MAP6: variants seen among roughly 807,000 people sequenced by gnomAD.
MAP6 encodes the protein microtubule associated protein 6, also known as microtubule-associated protein 6.
In MAP6, 26 loss-of-function variants were observed where a neutral mutation model predicts 42.4. That is an observed-to-expected ratio of 0.61 (90% CI 0.45 to 0.85). MAP6 has a LOEUF of 0.85. Among genes scored for constraint, MAP6 ranks in the 40% least tolerant of loss-of-function variants. The pLI, the probability that MAP6 is intolerant of heterozygous loss-of-function variation, is 0.00. For synonymous variants in MAP6, 418 were observed against 443.8 expected (o/e 0.94, Z 0.73); for missense variants, 966 against 1,099.0 (o/e 0.88, Z 1.71).
intron 2 of MAP6, 78 bp downstream of exon 2, chr11:75,608,031 C>T (rs1942811957): frequency 7.1e-7 from 1 of 1,410,730 alleles, no homozygotes; most frequent in South Asian, 1.2e-5. Context: ...GATTTGACAG[C>T]AGCCCACCCC....
At chr11:75,590,628 A>C (rs564252368) in intron 3 of MAP6, among the ~76,000 whole-genome samples, 10 of 152,350 alleles carry the variant, frequency 6.6e-5, no homozygotes, top group Non-Finnish European at 1.3e-4. Context: ...AATCATGGGA[A>C]GGTTATAATT....
At chr11:75,663,187 G>C (rs1222532912) in intron 1 of MAP6, among the ~76,000 whole-genome samples, 1 of 151,680 alleles carries the variant, frequency 6.6e-6, no homozygotes, top group Non-Finnish European at 1.5e-5. Flanking sequence ...CACCATGTTG[G>C]TCAGGCTTGT....
At chr11:75,650,108 A>G (rs1565277826) in intron 1 of MAP6, among the ~76,000 whole-genome samples, 1 of 152,196 alleles carries the variant, frequency 6.6e-6, no homozygotes, top group East Asian at 1.9e-4. Flanking sequence ...CCCCACTCCA[A>G]CGTGAGACCA....
rs1943963792 is a variant in MAP6, at chr11:75,667,291, G to A, written c.905+174C>T. 6.6e-6 allele frequency among the ~76,000 whole-genome samples: 1 copy of A among 152,190 alleles called. No individual in the cohort carries two copies. Among genetic ancestry groups the A allele is most frequent in the African/African-American group, 2.4e-5 (1 of 41,448 alleles). ...ACTAACAGCTTGCGCATGGGACAGG[G>A]CAGAAGAGAAGGCTTCGACAGGAGG... On this transcript the variant is annotated intron_variant, in intron 1 of 3. Transcript: ENST00000304771. This position sits in a 1 kb window ranked among gnomAD's most constrained non-coding sequence, Gnocchi z 5.6.
In MAP6 at chr11:75,588,006, T is replaced by TGGGACCTAGATCCTTTGG. The variant is rs1942394632; in HGVS notation, c.1477_1494dup (p.Pro493_Pro498dup). On this transcript the variant is annotated inframe_insertion, in exon 4 of 4. Transcript: ENST00000304771. ...TGATCCTTGACTGGTAATGGGATCA[T>TGGGACCTAGATCCTTTGG]GGGACCTAGATCCTTTGGAGGCCCT... 1 of 1,614,154 alleles carries TGGGACCTAGATCCTTTGG rather than the reference T, an allele frequency of 6.2e-7. No individual in the cohort carries two copies. Among genetic ancestry groups the TGGGACCTAGATCCTTTGG allele is most frequent in the South Asian group, 1.1e-5 (1 of 91,066 alleles).
At chr11:75,628,427 T>C (rs969827257) in intron 1 of MAP6, among the ~76,000 whole-genome samples, 9 of 152,216 alleles carry the variant, frequency 5.9e-5, no homozygotes, top group African/African-American at 2.2e-4. Context: ...CTGGGGGACA[T>C]CAGTCACCAT....
At chr11:75,647,994 C>T (rs981582300) in intron 1 of MAP6, among the ~76,000 whole-genome samples, 2 of 151,984 alleles carry the variant, frequency 1.3e-5, no homozygotes, top group Non-Finnish European at 2.9e-5. Context: ...AGAAACAGAT[C>T]CAGAAACAAA....
At chr11:75,631,335 C>A (rs1044808264) in intron 1 of MAP6, among the ~76,000 whole-genome samples, 1 of 152,200 alleles carries the variant, frequency 6.6e-6, no homozygotes, top group Non-Finnish European at 1.5e-5. Context: ...CAAGAACTAC[C>A]CTCCCTAAGC....
intron 1 of MAP6, among the ~76,000 whole-genome samples, chr11:75,622,226 A>C (rs1423440560): frequency 6.6e-6 from 1 of 151,964 alleles, no homozygotes; most frequent in Admixed American, 6.6e-5. Context: ...AATAGGAATA[A>C]GTTTTTTTTG....
intron 3 of MAP6, among the ~76,000 whole-genome samples, chr11:75,595,468 C>G (rs1218931799): frequency 3.3e-5 from 5 of 152,206 alleles, no homozygotes; most frequent in African/African-American, 1.2e-4. Context: ...TCAGTTGGCT[C>G]TGTCCCTTGG....
intron 1 of MAP6, among the ~76,000 whole-genome samples, chr11:75,637,797 A>G (rs1396717201): frequency 3.4e-5 from 5 of 145,568 alleles, no homozygotes; most frequent in African/African-American, 1.3e-4. Flanking sequence ...GAAAGATAGG[A>G]AGAAAGGGAG....
At chr11:75,607,509 A>G (rs1426590823) in intron 2 of MAP6, 3 of 985,350 alleles carry the variant, frequency 3.0e-6, no homozygotes. Context: ...CCTTGAGTCC[A>G]CTTTCACAAA....
rs1252400768 is a variant in MAP6, at chr11:75,607,685, GC to G, written c.1119+423del. 3 of 985,288 alleles carry G rather than the reference GC, an allele frequency of 3.0e-6. No homozygotes were observed. The African/African-American group carries it at 5.2e-5, about 17-fold the overall frequency. 61.0% of individuals were successfully genotyped at this position (985,288 alleles called of 1,614,324 possible). A position where few individuals can be genotyped will look rare whatever the true frequency, so the allele number is the denominator to read the frequency against. The stretch of plus-strand genomic sequence containing the variant: ...GGGAAGAAAGGGTCCAGTGATTGGA[GC>G]CAAGGATGAGGCAAGGCAGGGTCTG... On this transcript the variant is annotated intron_variant, in intron 2 of 3. Transcript: ENST00000304771.
chr11:75,617,514 CAA>C (rs61477947), intron 1 of MAP6, among the ~76,000 whole-genome samples: 1,455 of 27,962 alleles, frequency 0.052, 10 homozygotes, highest in African/African-American at 0.14. Flanking sequence ...AGACTGTCTC[CAA>C]AAAAAAAAAA....
intron 3 of MAP6, chr11:75,605,289 G>A (rs1590761280): frequency 1.0e-6 from 1 of 986,212 alleles, no homozygotes; most frequent in Non-Finnish European, 1.2e-6. Flanking sequence ...GGCCAAGGTT[G>A]TTTCTTTTTT....
In MAP6 at chr11:75,668,121, C is replaced by G. The variant is rs1479742843; in HGVS notation, c.249G>C (p.Thr83=). The change falls in exon 1 of 4, where the codon ACG becomes ACC. Residue 83 remains threonine (T), a synonymous_variant. Coordinates refer to ENST00000304771, the MANE Select transcript of MAP6 (RefSeq NM_033063.2). ...CGCCGGTAGGCCCAGGCGCTGGCCC[C>G]GTTGCCCGGGCAACTGCATCCAACT... ...QGELDAVARA[T]GPAPGPTGER... 3 of 1,221,288 alleles carry G rather than the reference C, an allele frequency of 2.5e-6. No homozygotes were observed. The highest frequency in any genetic ancestry group is 3.5e-5 in the South Asian group (1 of 28,348). The allele number at this position is 1,221,288 out of a possible 1,614,324, so 75.7% of individuals were successfully genotyped here. A position where few individuals can be genotyped will look rare whatever the true frequency, so the allele number is the denominator to read the frequency against.
At chr11:75,601,071 C>T (rs1168496188) in intron 3 of MAP6, among the ~76,000 whole-genome samples, 2 of 152,214 alleles carry the variant, frequency 1.3e-5, no homozygotes, top group Non-Finnish European at 2.9e-5. Flanking sequence ...GTGGGAACCA[C>T]AGGCGGAAGA....
chr11:75,630,864 A>C (rs1297140221), intron 1 of MAP6, among the ~76,000 whole-genome samples: 1 of 152,232 alleles, frequency 6.6e-6, no homozygotes, highest in Admixed American at 6.5e-5. Context: ...ACAATTGTCC[A>C]AATGTATCAT....
chr11:75,644,808 G>A (rs1317045452), intron 1 of MAP6, among the ~76,000 whole-genome samples: 1 of 152,132 alleles, frequency 6.6e-6, no homozygotes, highest in Non-Finnish European at 1.5e-5. Context: ...GGTTGACTGA[G>A]TTAAGCTCCC....
Sources: allele counts gnomAD v4.1 joint callset (sites outside exome capture counted in the v4.1 genomes callset), GRCh38; gene constraint gnomAD v4.1.1; non-coding constraint Gnocchi (gnomAD v3.1); transcripts MANE v1.5; gene names NCBI Gene and HGNC (gene_info 2026-07-23, HGNC 2026-07-21).